CNTNAP2: variants seen among roughly 807,000 people sequenced by gnomAD.
CNTNAP2 encodes contactin-associated protein-like 2.
A neutral mutation model predicts 155.2 loss-of-function variants in CNTNAP2; 98 were observed. The ratio of observed to expected loss-of-function variants is 0.63; its 90% CI spans 0.54 to 0.75. The LOEUF is 0.75. CNTNAP2 is among the 30% of genes least tolerant of loss of function. CNTNAP2 has a pLI of 0.00. For missense variants in CNTNAP2, 1,727 were observed against 1,688.1 expected (o/e 1.02, Z -0.40); for synonymous variants, 651 against 631.2 (o/e 1.03, Z -0.47).
chr7:146,749,974 G>A (rs1801874908), intron 1 of CNTNAP2, among the ~76,000 whole-genome samples: 1 of 152,158 alleles, frequency 6.6e-6, no homozygotes, highest in South Asian at 2.1e-4. Flanking sequence ...CATGTTTAAA[G>A]ATGAGCCATG....
chr7:146,489,693 A>G (rs1244990484), intron 1 of CNTNAP2, among the ~76,000 whole-genome samples: 1 of 152,098 alleles, frequency 6.6e-6, no homozygotes, highest in East Asian at 1.9e-4. Flanking sequence ...CCCCCATCCA[A>G]GAAGAATGAG....
At chr7:147,444,595 T>A (rs1316975278) in intron 10 of CNTNAP2, among the ~76,000 whole-genome samples, 2 of 152,070 alleles carry the variant, frequency 1.3e-5, no homozygotes, top group Middle Eastern at 3.4e-3. Flanking sequence ...CACTAAATTT[T>A]ATTTTTTTAG....
intron 13 of CNTNAP2, among the ~76,000 whole-genome samples, chr7:147,833,964 C>T (rs1375869377): frequency 6.6e-6 from 1 of 151,928 alleles, no homozygotes; most frequent in Non-Finnish European, 1.5e-5. Context: ...GGCATGAAGA[C>T]AGATTCAGAA....
rs184724731 is a variant in CNTNAP2 at position 148,377,309 on chromosome 7, C to T, written c.3476-6340C>T. On this transcript the variant is annotated intron_variant, in intron 21 of 23. Transcript: ENST00000361727. ...AACCACCCAGGCAGTGATTTCAAAC[C>T]GACTTTCTACTTATTCCACAAGGTA... Among the ~76,000 whole-genome samples, 48 of 67,216 alleles carry T rather than the reference C, an allele frequency of 7.1e-4. 21 individuals are homozygous for T. The East Asian group carries it at 0.019, about 26-fold the overall frequency. 44.1% of individuals were successfully genotyped at this position (67,216 alleles called of 152,430 possible). A position where few individuals can be genotyped will look rare whatever the true frequency, so the allele number is the denominator to read the frequency against.
At chr7:148,247,574 G>A (rs556463742) in intron 20 of CNTNAP2, among the ~76,000 whole-genome samples, 2 of 149,938 alleles carry the variant, frequency 1.3e-5, no homozygotes, top group East Asian at 3.9e-4. Context: ...TATGCTTGCT[G>A]TTTCGGGTCA....
intron 17 of CNTNAP2, among the ~76,000 whole-genome samples, chr7:148,169,908 T>G (rs1172650825): frequency 6.6e-6 from 1 of 151,148 alleles, no homozygotes; most frequent in Non-Finnish European, 1.5e-5. Flanking sequence ...TGCAGTGAGC[T>G]GAGATCATGC....
At chr7:148,145,924 G>A (rs781599795) in intron 16 of CNTNAP2, among the ~76,000 whole-genome samples, 3 of 152,180 alleles carry the variant, frequency 2.0e-5, no homozygotes, top group Non-Finnish European at 2.9e-5. Flanking sequence ...TCTCGCTAAC[G>A]ACATGAAGGA....
At chr7:146,964,911 C>T (rs1797626239) in intron 3 of CNTNAP2, among the ~76,000 whole-genome samples, 1 of 107,780 alleles carries the variant, frequency 9.3e-6, no homozygotes, top group Non-Finnish European at 2.3e-5. Context: ...GTTGACCAAC[C>T]CCTAATGTAG....
chr7:148,158,535 T>C (rs1805449505), intron 17 of CNTNAP2, among the ~76,000 whole-genome samples: 1 of 152,200 alleles, frequency 6.6e-6, no homozygotes, highest in Admixed American at 6.5e-5. Flanking sequence ...TTTGCTTTTT[T>C]TAAAATGTGC....
At chr7:148,006,541 A>G (rs370169316) in intron 15 of CNTNAP2, among the ~76,000 whole-genome samples, 25 of 149,700 alleles carry the variant, frequency 1.7e-4, no homozygotes, top group African/African-American at 6.2e-4. Flanking sequence ...CTGGTCTCAA[A>G]CTCCTGACCT....
At chr7:147,728,956 A>C (rs1459677080) in intron 13 of CNTNAP2, among the ~76,000 whole-genome samples, 2 of 150,718 alleles carry the variant, frequency 1.3e-5, no homozygotes, top group Admixed American at 6.6e-5. Flanking sequence ...ATCAAATTTA[A>C]GTAAACAAGG....
chr7:148,391,147 CT>C (rs1799337958), intron 22 of CNTNAP2, among the ~76,000 whole-genome samples: 1 of 152,166 alleles, frequency 6.6e-6, no homozygotes, highest in Admixed American at 6.5e-5. Flanking sequence ...GAACAGGCTT[CT>C]GGTTAGTGCC....
At chr7:148,097,980 A>C (rs1394245876) in intron 15 of CNTNAP2, among the ~76,000 whole-genome samples, 1 of 152,202 alleles carries the variant, frequency 6.6e-6, no homozygotes. Flanking sequence ...AATTACATGG[A>C]TAGAGAATGA....
chr7:146,404,991 G>C (rs1226337719), intron 1 of CNTNAP2, among the ~76,000 whole-genome samples: 1 of 152,096 alleles, frequency 6.6e-6, no homozygotes, highest in Non-Finnish European at 1.5e-5. Context: ...GTCTTTCTAA[G>C]TACAGAGTTA....
At chr7:146,239,253 T>A (rs1799522212) in intron 1 of CNTNAP2, among the ~76,000 whole-genome samples, 1 of 152,174 alleles carries the variant, frequency 6.6e-6, no homozygotes, top group South Asian at 2.1e-4. Flanking sequence ...GCTCCGGCTT[T>A]GTACATAAAT....
At chr7:146,400,844 C>T (rs573586950) in intron 1 of CNTNAP2, among the ~76,000 whole-genome samples, 3 of 152,202 alleles carry the variant, frequency 2.0e-5, no homozygotes, top group African/African-American at 7.2e-5. Flanking sequence ...ATCTGAATAA[C>T]TTTGCAGGAA....
At chr7:147,940,531 T>A (rs938272745) in intron 14 of CNTNAP2, among the ~76,000 whole-genome samples, 6 of 151,880 alleles carry the variant, frequency 4.0e-5, no homozygotes, top group Non-Finnish European at 7.4e-5. Flanking sequence ...TTTTTAATTA[T>A]TTATTTATTT....
intron 8 of CNTNAP2, among the ~76,000 whole-genome samples, chr7:147,256,248 C>A (rs549331432): frequency 6.6e-6 from 1 of 152,092 alleles, no homozygotes; most frequent in East Asian, 1.9e-4. Context: ...GGCCTTGTGA[C>A]CTAGAGGGAG....
intron 12 of CNTNAP2, among the ~76,000 whole-genome samples, chr7:147,570,135 ACCAGTTTACAGC>A (rs1800256943): frequency 6.6e-6 from 1 of 151,118 alleles, no homozygotes; most frequent in African/African-American, 2.4e-5. Flanking sequence ...ACTCAAACCC[ACCAGTTTACAGC>A]CCTTAATTAC....
Sources: gnomAD v4.1 joint callset for allele counts (sites outside exome capture counted in the v4.1 genomes callset) on GRCh38, gnomAD v4.1.1 for gene constraint, MANE v1.5 for transcripts, NCBI Gene and HGNC (gene_info 2026-07-23, HGNC 2026-07-21) for gene names.